Variants in PLEKHM3 observed in about 807,000 individuals in gnomAD.
PLEKHM3 encodes pleckstrin homology domain containing M3.
Under a neutral mutation model 81.8 loss-of-function variants are expected in PLEKHM3, and 45 were observed. The ratio of observed to expected loss-of-function variants is 0.55; its 90% CI spans 0.43 to 0.71. The LOEUF is 0.71. Ranked by LOEUF, PLEKHM3 falls within the 30% of genes least tolerant of loss-of-function variation. PLEKHM3 has a pLI of 0.00. For synonymous variants in PLEKHM3, 352 were observed against 356.4 expected, an observed-to-expected ratio of 0.99 and a Z score of 0.14; for missense variants, 788 against 924.3, an observed-to-expected ratio of 0.85 and a Z score of 1.91.
At chr2:207,925,373 G>C (rs1184389790) in intron 5 of PLEKHM3, among the ~76,000 whole-genome samples, 1 of 152,112 alleles carries the variant, frequency 6.6e-6, no homozygotes, top group Non-Finnish European at 1.5e-5. Flanking sequence ...ATGCCTCCAG[G>C]CTCATCTTCC....
At chr2:207,961,282 CTG>C (rs1690723192) in intron 3 of PLEKHM3, among the ~76,000 whole-genome samples, 1 of 152,220 alleles carries the variant, frequency 6.6e-6, no homozygotes, top group Admixed American at 6.5e-5. Flanking sequence ...AGTCAATCCT[CTG>C]TGTCAGAGGT....
At chr2:208,022,727 C>G (rs1360420341) in intron 1 of PLEKHM3, among the ~76,000 whole-genome samples, 1 of 152,214 alleles carries the variant, frequency 6.6e-6, no homozygotes, top group Non-Finnish European at 1.5e-5. Context: ...AAGCTCCCAA[C>G]TTGTATGGGC....
chr2:208,009,051 T>C (rs1169601752), intron 1 of PLEKHM3, among the ~76,000 whole-genome samples: 1 of 152,224 alleles, frequency 6.6e-6, no homozygotes, highest in Non-Finnish European at 1.5e-5. Flanking sequence ...AAGTATTTGC[T>C]GAGTGCCTAC....
At position 207,855,617 on chromosome 2, in the gene PLEKHM3, C is replaced by T. The variant is rs561001573; in HGVS notation, c.2108+5488G>A. ...GTGGAGCAACCTGACACAAACACTA[C>T]AGTGATGTCATGTTGATCGTATGTT... On this transcript the variant is annotated intron_variant, in intron 7 of 7. Coordinates refer to ENST00000427836, the MANE Select transcript of PLEKHM3 (RefSeq NM_001080475.3). Among the ~76,000 whole-genome samples, 4 of 152,248 alleles carry T rather than the reference C, an allele frequency of 2.6e-5. No individual in the cohort carries two copies. In the East Asian group the frequency reaches 7.7e-4, roughly 29 times the overall value.
intron 6 of PLEKHM3, among the ~76,000 whole-genome samples, chr2:207,902,694 T>C (rs574304183): frequency 1.1e-4 from 17 of 152,368 alleles, no homozygotes; most frequent in African/African-American, 3.4e-4. Context: ...CCAGCTTTTC[T>C]AATTTTGTTT....
At chr2:208,013,808 A>C (rs998157046) in intron 1 of PLEKHM3, among the ~76,000 whole-genome samples, 6 of 152,208 alleles carry the variant, frequency 3.9e-5, no homozygotes, top group African/African-American at 1.2e-4. Context: ...CACCAGCAGA[A>C]GGGAGAATAC....
At position 207,847,524 on chromosome 2, in the gene PLEKHM3, C is replaced by T. The variant is rs116809510; in HGVS notation, c.2108+13581G>A. On this transcript the variant is annotated intron_variant, in intron 7 of 7. Coordinates refer to ENST00000427836, the MANE Select transcript of PLEKHM3 (RefSeq NM_001080475.3). ...CTCTGCCATGCACACGACATGTGAG[C>T]TGTCTGGGCTTCAAGTTTCCCACCC... Among the ~76,000 whole-genome samples the T allele has an allele frequency of 2.4e-3, 362 of 152,308 alleles. 2 individuals carry two copies. The highest frequency in any genetic ancestry group is 8.3e-3 in the African/African-American group (347 of 41,576).
rs35276373 is a variant in PLEKHM3, at chr2:207,984,074, C to G, written c.611-6488G>C. Among the ~76,000 whole-genome samples the G allele has an allele frequency of 4.9e-3, 739 of 152,286 alleles. 1 individual carries two copies. The highest frequency in any genetic ancestry group is 8.7e-3 in the Non-Finnish European group (595 of 68,024). The stretch of plus-strand genomic sequence containing the variant: ...TTCATTACAGAAAGTTTCAAACACA[C>G]TTGAAAAGCATGTAGAAGAGTAAGA... On this transcript the variant is annotated intron_variant, in intron 2 of 7. Transcript: ENST00000427836.
intron 7 of PLEKHM3, among the ~76,000 whole-genome samples, chr2:207,832,644 T>G (rs2092294911): frequency 6.6e-6 from 1 of 150,938 alleles, no homozygotes; most frequent in Non-Finnish European, 1.5e-5. Context: ...ATACAAAAAT[T>G]AGCTGGGTGT....
intron 6 of PLEKHM3, among the ~76,000 whole-genome samples, chr2:207,894,571 G>T (rs554290651): frequency 3.3e-5 from 5 of 151,162 alleles, no homozygotes; most frequent in Non-Finnish European, 7.4e-5. Context: ...TGGTTGGGGT[G>T]GGGGGGTGGG....
chr2:207,941,003 T>C (rs371364418), intron 4 of PLEKHM3, among the ~76,000 whole-genome samples: 1 of 152,216 alleles, frequency 6.6e-6, no homozygotes, highest in East Asian at 1.9e-4. Flanking sequence ...CAAGGTCATA[T>C]GCTGAGAATA....
intron 6 of PLEKHM3, among the ~76,000 whole-genome samples, chr2:207,868,271 A>AT (rs1301622623): frequency 8.5e-5 from 6 of 70,582 alleles, no homozygotes; most frequent in Non-Finnish European, 1.3e-4. Context: ...AAAGCTTATT[A>AT]TTATTTTTTT....
intron 3 of PLEKHM3, among the ~76,000 whole-genome samples, chr2:207,961,233 T>C (rs1203758602): frequency 5.9e-5 from 9 of 152,182 alleles, no homozygotes; most frequent in Admixed American, 5.9e-4. Context: ...AAAACATCTT[T>C]ATTGATGAAG....
chr2:207,976,581 A>G lies in PLEKHM3; in HGVS notation c.1546+70T>C. ...TGACTAGCCTATTAAGGGGATTTTTAAAGTGAATTCCAATTGTGGGGTTCA... is the reference window on the plus strand; with the variant it reads ...TGACTAGCCTATTAAGGGGATTTTTGAAGTGAATTCCAATTGTGGGGTTCA... On this transcript the variant is annotated intron_variant, in intron 3 of 7. Transcript: ENST00000427836. The surrounding 1 kb of genome is among the most constrained non-coding windows in gnomAD (Gnocchi z 4.1). The G allele has an allele frequency of 6.9e-6, 10 of 1,448,034 alleles. No individual in the cohort carries two copies. The highest frequency in any genetic ancestry group is 9.3e-6 in the Non-Finnish European group (10 of 1,071,666). 89.7% of individuals were successfully genotyped at this position (1,448,034 alleles called of 1,614,324 possible).
At chr2:207,847,496 T>A (rs1445541936) in intron 7 of PLEKHM3, among the ~76,000 whole-genome samples, 1 of 152,258 alleles carries the variant, frequency 6.6e-6, no homozygotes, top group East Asian at 1.9e-4. Context: ...GTCATCACCC[T>A]GCCTCTGCCA....
At chr2:207,931,336 T>G (rs1689591864) in intron 4 of PLEKHM3, among the ~76,000 whole-genome samples, 1 of 152,256 alleles carries the variant, frequency 6.6e-6, no homozygotes, top group African/African-American at 2.4e-5. Flanking sequence ...TTCTGTATCT[T>G]GACTGCAGTG....
At chr2:207,999,987 G>T (rs1327867808) in intron 2 of PLEKHM3, among the ~76,000 whole-genome samples, 1 of 152,214 alleles carries the variant, frequency 6.6e-6, no homozygotes, top group Non-Finnish European at 1.5e-5. Flanking sequence ...TAGGGTGATT[G>T]AGAGTCATTA....
At chr2:207,942,966 T>C (rs986584182) in intron 4 of PLEKHM3, among the ~76,000 whole-genome samples, 1 of 152,248 alleles carries the variant, frequency 6.6e-6, no homozygotes, top group South Asian at 2.1e-4. Context: ...TTTTCACTCA[T>C]ATGTAGGAGC....
chr2:207,908,130 T>C (rs1022509732), intron 6 of PLEKHM3, among the ~76,000 whole-genome samples: 7 of 152,338 alleles, frequency 4.6e-5, no homozygotes, highest in Non-Finnish European at 8.8e-5. Flanking sequence ...TTTGCTATTA[T>C]GAATAATGCT....
Sources: allele counts gnomAD v4.1 joint callset (sites outside exome capture counted in the v4.1 genomes callset), GRCh38; gene constraint gnomAD v4.1.1; non-coding constraint Gnocchi (gnomAD v3.1); transcripts MANE v1.5; gene names NCBI Gene and HGNC (gene_info 2026-07-23, HGNC 2026-07-21).